The following PKHD1L1 variants were observed in gnomAD, a reference collection of about 807,000 sequenced individuals.
PKHD1L1 encodes the protein fibrocystin-L.
Under a neutral mutation model 462.9 loss-of-function variants are expected in PKHD1L1, and 434 were observed. The observed-to-expected ratio is 0.94, with a 90% CI of 0.87 to 1.02. The LOEUF (loss-of-function observed/expected upper bound fraction) is 1.02, where lower values mean the gene tolerates loss of function less well. Among genes scored for constraint, PKHD1L1 ranks in the 50% least tolerant of loss-of-function variants. The probability of loss-of-function intolerance (pLI) is 0.00; values close to 1 mark genes in which losing one functional copy is unlikely to be tolerated. For missense variants in PKHD1L1, 5,202 were observed against 5,096.1 expected (o/e 1.02, Z -0.63); for synonymous variants, 1,781 against 1,750.0 (o/e 1.02, Z -0.44).
intron 67 of PKHD1L1, among the ~76,000 whole-genome samples, chr8:109,502,201 T>C (rs1258647092): frequency 6.6e-6 from 1 of 152,168 alleles, no homozygotes; most frequent in Non-Finnish European, 1.5e-5. Flanking sequence ...CCTGCATTTT[T>C]CTCACAACAT....
At position 109,443,908 on chromosome 8, in the gene PKHD1L1, A is replaced by C; in HGVS notation, c.4791+6A>C. 6.3e-7 allele frequency: 1 copy of C among 1,576,676 alleles called. No individual in the cohort carries two copies. The highest frequency in any genetic ancestry group is 2.2e-5 in the East Asian group (1 of 44,702). ...ATCTCCCATGGGCTAATAAGGTAAG[A>C]ATATAAATACCTCCTTTGTACTTCT... On this transcript the variant is annotated splice_donor_region_variant and intron_variant, in intron 37 of 77. Transcript: ENST00000378402.
rs75027210 is a variant in PKHD1L1, at chr8:109,496,151, T to C, written c.10328-768T>C. On this transcript the variant is annotated intron_variant, in intron 63 of 77. Transcript: ENST00000378402. ...AAGACCACCTATCTCTGTACTACCTTCTAGGCTCCAAGAAATGATGGTGAA... is the reference window on the plus strand; with the variant it reads ...AAGACCACCTATCTCTGTACTACCTCCTAGGCTCCAAGAAATGATGGTGAA... Among the ~76,000 whole-genome samples, 3 of 152,322 alleles carry C rather than the reference T, an allele frequency of 2.0e-5. No homozygotes were observed. The South Asian group carries it at 6.2e-4, about 32-fold the overall frequency.
intron 37 of PKHD1L1, 48 bp downstream of exon 37, chr8:109,443,950 A>G (rs745809504): frequency 2.8e-6 from 4 of 1,454,154 alleles, no homozygotes; most frequent in Admixed American, 2.0e-5. Flanking sequence ...TGTTCCCAAT[A>G]AAAGTATTTT....
intron 67 of PKHD1L1, 156 bp downstream of exon 67, chr8:109,498,927 T>A: frequency 5.9e-6 from 4 of 678,390 alleles, no homozygotes; most frequent in Non-Finnish European, 4.9e-6. Flanking sequence ...CAGAGTCAAT[T>A]TTGAGAATGG....
Position 109,433,927 on chromosome 8 carries a change from C to T in PKHD1L1, c.3340+711C>T, listed in dbSNP as rs143043332. Among the ~76,000 whole-genome samples, 124 of 152,044 alleles carry T rather than the reference C, an allele frequency of 8.2e-4. 1 individual carries two copies. The highest frequency in any genetic ancestry group is 2.8e-3 in the African/African-American group (118 of 41,456). Reference sequence around the variant, plus strand: ...TACATATACACCATGGAATACTATGCGGCAATAAAAAAGGATGAGTTCATA... The same window carrying T: ...TACATATACACCATGGAATACTATGTGGCAATAAAAAAGGATGAGTTCATA... On this transcript the variant is annotated intron_variant, in intron 28 of 77. Coordinates refer to ENST00000378402, the MANE Select transcript of PKHD1L1 (RefSeq NM_177531.6).
chr8:109,490,658 A>G (rs1217029364), intron 60 of PKHD1L1, among the ~76,000 whole-genome samples: 1 of 151,816 alleles, frequency 6.6e-6, no homozygotes, highest in African/African-American at 2.4e-5. Context: ...GAAAAAATAA[A>G]TTTTAGCACC....
intron 48 of PKHD1L1, among the ~76,000 whole-genome samples, chr8:109,462,832 G>T (rs528476427): frequency 6.6e-6 from 1 of 152,068 alleles, no homozygotes; most frequent in African/African-American, 2.4e-5. Flanking sequence ...GAGCCATGGC[G>T]CCTGGCCTGT....
chr8:109,412,546 T>C, intron 20 of PKHD1L1, 132 bp downstream of exon 20: 1 of 929,142 alleles, frequency 1.1e-6, no homozygotes, highest in East Asian at 2.7e-5. Flanking sequence ...CACCGAAGTG[T>C]ACATTCTGGG....
chr8:109,453,796 T>C (rs1280023086), intron 43 of PKHD1L1, among the ~76,000 whole-genome samples: 1 of 152,200 alleles, frequency 6.6e-6, no homozygotes, highest in African/African-American at 2.4e-5. Context: ...TTTATAAACA[T>C]GCTTTTCTTT....
intron 67 of PKHD1L1, 114 bp from the exon 68 acceptor site, chr8:109,504,213 A>C (rs2130964225): frequency 2.2e-3 from 1,081 of 501,940 alleles, no homozygotes; most frequent in Middle Eastern, 4.6e-3. Flanking sequence ...ATATCAGGCA[A>C]GAGCTCCATG....
chr8:109,436,299 A>C, intron 29 of PKHD1L1, 39 bp from the exon 30 acceptor site: 1 of 1,577,636 alleles, frequency 6.3e-7, no homozygotes, highest in Middle Eastern at 2.1e-4. Context: ...TTATAGTTGA[A>C]CTGTTTTGTT....
intron 4 of PKHD1L1, 54 bp from the exon 5 acceptor site, chr8:109,384,016 A>G: frequency 8.2e-7 from 1 of 1,219,190 alleles, no homozygotes; most frequent in Admixed American, 1.8e-5. Flanking sequence ...CTATTTCACA[A>G]AACTAGAAAC....
chr8:109,535,324 T>C lies in PKHD1L1; in HGVS notation c.*5234T>C, dbSNP rs543864889. On this transcript the variant is annotated 3_prime_UTR_variant, in exon 78 of 78. Coordinates refer to ENST00000378402, the MANE Select transcript of PKHD1L1 (RefSeq NM_177531.6). ...GCATTTAGGCAGATGATCCTTTATA[T>C]ATGTAAACGCTATAAATTCTTAGGA... Among the ~76,000 whole-genome samples the C allele has an allele frequency of 5.9e-5, 9 of 152,346 alleles. No homozygotes were observed. The East Asian group carries it at 1.2e-3, about 20-fold the overall frequency.
chr8:109,515,340 A>T (rs1783167), intron 72 of PKHD1L1, 35 bp downstream of exon 72: 254,641 of 1,376,418 alleles, frequency 0.19, 26,762 homozygotes, highest in Admixed American at 0.39. Flanking sequence ...ACACATGGAA[A>T]ATGTACTTAT....
intron 24 of PKHD1L1, among the ~76,000 whole-genome samples, chr8:109,426,396 T>G (rs1814751275): frequency 6.6e-6 from 1 of 151,994 alleles, no homozygotes; most frequent in South Asian, 2.1e-4. Flanking sequence ...TGTGAATTGA[T>G]ATTAAAAATA....
In PKHD1L1 at chr8:109,449,190, T is replaced by C. The variant is rs915513803; in HGVS notation, c.6026-148T>C. 7 of 645,856 alleles carry C rather than the reference T, an allele frequency of 1.1e-5. No individual in the cohort carries two copies. In the African/African-American group the frequency reaches 1.3e-4, roughly 12 times the overall value. The allele number at this position is 645,856 out of a possible 1,614,324, so 40.0% of individuals were successfully genotyped here. ...ATCAAAAGAGATTCAGTTGCATTAATAGAATAATGCACTATAATTTCAGTT... is the reference window on the plus strand; with the variant it reads ...ATCAAAAGAGATTCAGTTGCATTAACAGAATAATGCACTATAATTTCAGTT... On this transcript the variant is annotated intron_variant, in intron 39 of 77. Coordinates refer to ENST00000378402, the MANE Select transcript of PKHD1L1 (RefSeq NM_177531.6).
In PKHD1L1 at chr8:109,413,511, A is replaced by G. The variant is rs1813970606; in HGVS notation, c.2326A>G (p.Thr776Ala). The G allele has an allele frequency of 6.4e-7, 1 of 1,567,136 alleles. No homozygotes were observed. ...TAGCAAGATTACTAGAAGCACTGAT[A>G]CACAGTTTACATACAACTTTGCTTA... ...DNSKITRSTDTQFTYNFAYGN... is the reference protein window; with the variant it reads ...DNSKITRSTDAQFTYNFAYGN... The change falls in exon 21 of 78, where the codon ACA becomes GCA. Residue 776 changes from threonine (T) to alanine (A), a missense_variant. Physicochemically the swap from Thr to Ala is moderately conservative, Grantham distance 58. Around this residue, in one of 3 missense-constraint regions of PKHD1L1, gnomAD observed 4,497 missense variants for 4,336.8 expected, o/e 1.04. Coordinates refer to ENST00000378402, the MANE Select transcript of PKHD1L1 (RefSeq NM_177531.6).
rs1816066241 is a variant in PKHD1L1, at chr8:109,445,278, T to G, written c.5409T>G (p.Thr1803=). ...VNENNITALV[T]PLPVGHHSVS... is the part of the protein sequence containing the mutation. The stretch of plus-strand genomic sequence containing the variant: ...AAAACAACATCACTGCTCTTGTGAC[T>G]CCTCTCCCAGTTGGACATCATTCTG... The change falls in exon 38 of 78, where the codon ACT becomes ACG. Residue 1803 remains threonine, a synonymous_variant. Transcript: ENST00000378402. 1 of 1,613,964 alleles carries G rather than the reference T, an allele frequency of 6.2e-7. No individual in the cohort carries two copies. The highest frequency in any genetic ancestry group is 1.3e-5 in the African/African-American group (1 of 75,036).
intron 2 of PKHD1L1, among the ~76,000 whole-genome samples, chr8:109,373,186 G>A (rs1376101565): frequency 4.6e-5 from 7 of 152,144 alleles, no homozygotes. Flanking sequence ...TTCAGAGCCT[G>A]TTATTGGTCT....
Sources: gnomAD v4.1 joint callset for allele counts (sites outside exome capture counted in the v4.1 genomes callset) on GRCh38, gnomAD v4.1.1 for gene constraint, gnomAD v4.1.1 regional missense constraint, MANE v1.5 for transcripts, NCBI Gene and HGNC (gene_info 2026-07-23, HGNC 2026-07-21) for gene names.